BTAF1: variants seen among roughly 807,000 people sequenced by gnomAD.
BTAF1 encodes the protein B-TFIID TATA-box binding protein associated factor 1.
BTAF1 carries 38 observed loss-of-function variants against 227.1 expected under a neutral mutation model. The ratio of observed to expected loss-of-function variants is 0.17; its 90% CI spans 0.13 to 0.22. The LOEUF is 0.22. Among genes scored for constraint, BTAF1 ranks in the 10% least tolerant of loss-of-function variants. The pLI, the probability that BTAF1 is intolerant of heterozygous loss-of-function variation, is 1.00. For missense variants in BTAF1, 1,598 were observed against 2,204.0 expected (o/e 0.73, Z 5.51); for synonymous variants, 742 against 751.9 (o/e 0.99, Z 0.21).
chr10:91,993,874 T>C, intron 22 of BTAF1, 27 bp downstream of exon 22: 1 of 1,523,972 alleles, frequency 6.6e-7, no homozygotes, highest in Non-Finnish European at 8.9e-7. Flanking sequence ...ATGAGTCCAG[T>C]TTTTAACAAA....
chr10:92,005,952 G>C (rs1849849701), intron 25 of BTAF1, among the ~76,000 whole-genome samples: 1 of 151,576 alleles, frequency 6.6e-6, no homozygotes, highest in Non-Finnish European at 1.5e-5. Flanking sequence ...GCTCACTGCA[G>C]CCTCAGCCTC....
chr10:91,967,974 A>G (rs943071226), intron 14 of BTAF1, among the ~76,000 whole-genome samples: 1 of 152,178 alleles, frequency 6.6e-6, no homozygotes, highest in African/African-American at 2.4e-5. Context: ...CTACCCACAC[A>G]TAGTTCCCCT....
chr10:92,022,359 C>T (rs1851199939), intron 34 of BTAF1, among the ~76,000 whole-genome samples: 1 of 152,152 alleles, frequency 6.6e-6, no homozygotes, highest in African/African-American at 2.4e-5. Context: ...CACAGACATT[C>T]TGATAAAATT....
At chr10:91,936,003 G>A (rs1044614279) in intron 2 of BTAF1, among the ~76,000 whole-genome samples, 3 of 149,792 alleles carry the variant, frequency 2.0e-5, no homozygotes, top group African/African-American at 7.4e-5. Flanking sequence ...ATTTGAATCT[G>A]TCCCAGTTTG....
rs370158878 is a variant in BTAF1 at position 91,966,693 on chromosome 10, C to G, written c.1586C>G (p.Thr529Ser). The G allele has an allele frequency of 6.2e-7, 1 of 1,613,922 alleles. No individual in the cohort carries two copies. Among genetic ancestry groups the G allele is most frequent in the Non-Finnish European group, 8.5e-7 (1 of 1,179,872 alleles). Residue 529 changes from threonine (T) to serine (S), a missense_variant, in exon 14 of 38, where the codon ACT becomes AGT. By Grantham distance (58) the Thr-to-Ser change is moderately conservative. Around this residue, in one of 10 missense-constraint regions of BTAF1, gnomAD observed 318 missense variants for 435.0 expected, o/e 0.73. Transcript: ENST00000265990. ...VPRVWPFLHH[T>S]ISSVRRAALE... Reference sequence around the variant, plus strand: ...CGTGTCTGGCCTTTTTTGCATCACACTATATCATCAGTTCGAAGAGCAGCA... The same window carrying G: ...CGTGTCTGGCCTTTTTTGCATCACAGTATATCATCAGTTCGAAGAGCAGCA...
chr10:92,031,027 A>G lies in BTAF1; in HGVS notation c.*2094A>G, dbSNP rs771402134. ...ATGTGATGATTTGGTAGTTTTTTCA[A>G]TGTATGGGTGTGGGAAGTCAAACAA... On this transcript the variant is annotated 3_prime_UTR_variant, in exon 38 of 38. Coordinates refer to ENST00000265990, the MANE Select transcript of BTAF1 (RefSeq NM_003972.3). 1.3e-5 allele frequency among the ~76,000 whole-genome samples: 2 copies of G among 152,184 alleles called. No individual in the cohort carries two copies. The highest frequency in any genetic ancestry group is 2.1e-4 in the South Asian group (1 of 4,822).
chr10:91,930,388 T>G (rs1844190921), intron 1 of BTAF1, among the ~76,000 whole-genome samples: 1 of 152,196 alleles, frequency 6.6e-6, no homozygotes, highest in African/African-American at 2.4e-5. Flanking sequence ...ATGTTATAGG[T>G]GCTAGAGGTA....
At chr10:91,997,774 A>G (rs369990069) in intron 25 of BTAF1, 23 bp downstream of exon 25, 11 of 1,608,608 alleles carry the variant, frequency 6.8e-6, no homozygotes, top group Non-Finnish European at 9.3e-6. Flanking sequence ...TACTTGCTTT[A>G]AAGACATAAT....
At chr10:91,928,744 A>G (rs533963422) in intron 1 of BTAF1, among the ~76,000 whole-genome samples, 35 of 145,726 alleles carry the variant, frequency 2.4e-4, no homozygotes, top group Non-Finnish European at 3.3e-4. Flanking sequence ...AGCCTGGGCA[A>G]CAGAGCAAGA....
chr10:92,026,611 A>G lies in BTAF1; in HGVS notation c.5095A>G (p.Ile1699Val), dbSNP rs962592200. ...TTTTAGGTTTAATAATGATCCATCT[A>G]TAGACGTTCTGTTACTTACCACTCA... ...IVSRFNNDPSIDVLLLTTHVG... is the reference protein window; with the variant it reads ...IVSRFNNDPSVDVLLLTTHVG... Residue 1699 changes from isoleucine (I) to valine (V), a missense_variant, in exon 36 of 38, where the codon ATA (isoleucine) becomes GTA (valine). Physicochemically the swap from Ile to Val is conservative, Grantham distance 29. Coordinates refer to ENST00000265990, the MANE Select transcript of BTAF1 (RefSeq NM_003972.3). The G allele has an allele frequency of 3.1e-6, 5 of 1,613,574 alleles. No homozygotes were observed. Among genetic ancestry groups the G allele is most frequent in the Admixed American group, 1.7e-5 (1 of 59,976 alleles).
chr10:91,949,751 GCT>G (rs968373139), intron 4 of BTAF1, among the ~76,000 whole-genome samples: 22 of 152,086 alleles, frequency 1.4e-4, no homozygotes, highest in African/African-American at 5.3e-4. Context: ...CTTCTCTCTG[GCT>G]CTCTTTCTTT....
Position 91,989,394 on chromosome 10 carries a change from A to G in BTAF1, c.2668A>G (p.Asn890Asp). The G allele has an allele frequency of 2.5e-6, 4 of 1,614,210 alleles. No individual in the cohort carries two copies. The highest frequency in any genetic ancestry group is 3.4e-6 in the Non-Finnish European group (4 of 1,180,044). ...AATGGAGACAATTAAAAAAGAAGAG[A>G]ATACACTAGTGCAAAACTATGCAGC... Reference protein sequence around the residue: ...PLMETIKKEENTLVQNYAAQC... With the variant: ...PLMETIKKEEDTLVQNYAAQC... Residue 890 changes from asparagine to aspartate, a missense_variant, in exon 20 of 38, where the codon AAT (asparagine) becomes GAT (aspartate). Physicochemically the swap from Asn to Asp is conservative, Grantham distance 23. Coordinates refer to ENST00000265990, the MANE Select transcript of BTAF1 (RefSeq NM_003972.3).
chr10:92,001,691 A>T (rs1849540412), intron 25 of BTAF1, among the ~76,000 whole-genome samples: 1 of 152,174 alleles, frequency 6.6e-6, no homozygotes, highest in Non-Finnish European at 1.5e-5. Context: ...ACCCAACAAC[A>T]TAAAACTTCA....
intron 1 of BTAF1, among the ~76,000 whole-genome samples, chr10:91,933,385 G>T (rs1844398379): frequency 6.6e-6 from 1 of 152,154 alleles, no homozygotes; most frequent in Non-Finnish European, 1.5e-5. Flanking sequence ...ATTTGTTCTG[G>T]ATATAATTTA....
chr10:91,934,456 C>T (rs1844468485), intron 1 of BTAF1, among the ~76,000 whole-genome samples: 1 of 152,018 alleles, frequency 6.6e-6, no homozygotes, highest in Non-Finnish European at 1.5e-5. Flanking sequence ...AGGCTGGTCT[C>T]GAACTCCTGA....
Position 91,982,780 on chromosome 10 carries a change from AG to A in BTAF1, c.2223+20del. Reference sequence around the variant, plus strand: ...ACAAAAGGTAAGATTTTGCCCCAAAAGTAATAAAGACAAATTAAGTAAACCA... The same window carrying A: ...ACAAAAGGTAAGATTTTGCCCCAAAATAATAAAGACAAATTAAGTAAACCA... On this transcript the variant is annotated intron_variant, in intron 18 of 37. Coordinates refer to ENST00000265990, the MANE Select transcript of BTAF1 (RefSeq NM_003972.3). The A allele has an allele frequency of 6.3e-7, 1 of 1,576,224 alleles. No individual in the cohort carries two copies. The highest frequency in any genetic ancestry group is 8.6e-7 in the Non-Finnish European group (1 of 1,159,188).
Position 91,982,201 on chromosome 10 carries a change from T to C in BTAF1, c.2024T>C (p.Met675Thr), listed in dbSNP as rs759881255. 12 of 1,613,838 alleles carry C rather than the reference T, an allele frequency of 7.4e-6. No homozygotes were observed. Among genetic ancestry groups the C allele is most frequent in the Middle Eastern group, 1.6e-4 (1 of 6,082 alleles). ...CCAGCCACCAGGGATTTTGTAGTTA[T>C]GCGGGCCAGAATGATGGCAGCCAAG... The part of the protein sequence containing the change: ...EDPATRDFVV[M>T]RARMMAAKLL... Residue 675 changes from methionine to threonine, a missense_variant, in exon 17 of 38, where the codon ATG (methionine) becomes ACG (threonine). By Grantham distance (81) the Met-to-Thr change is moderately conservative (BLOSUM62 -1). Coordinates refer to ENST00000265990, the MANE Select transcript of BTAF1 (RefSeq NM_003972.3).
rs1354055970 is a variant in BTAF1, at chr10:91,928,116, A to T, written c.14+4026A>T. 3.3e-5 allele frequency among the ~76,000 whole-genome samples: 5 copies of T among 151,408 alleles called. 1 individual carries two copies. The South Asian group carries it at 1.0e-3, about 31-fold the overall frequency. ...CTCCTATAGGAAGGCAATTAGAATA[A>T]TTTTTGAAGTTTATAATATAGTAAA... is the stretch of plus-strand genomic sequence containing the variant. On this transcript the variant is annotated intron_variant, in intron 1 of 37. Coordinates refer to ENST00000265990, the MANE Select transcript of BTAF1 (RefSeq NM_003972.3).
intron 14 of BTAF1, among the ~76,000 whole-genome samples, chr10:91,975,766 G>A (rs1032284570): frequency 6.6e-6 from 1 of 152,210 alleles, no homozygotes; most frequent in Non-Finnish European, 1.5e-5. Flanking sequence ...GAAGATAAAA[G>A]AGGGACCGTA....
Sources: allele counts gnomAD v4.1 joint callset (sites outside exome capture counted in the v4.1 genomes callset), GRCh38; gene constraint gnomAD v4.1.1; regional missense constraint gnomAD v4.1.1; transcripts MANE v1.5; gene names NCBI Gene and HGNC (gene_info 2026-07-23, HGNC 2026-07-21).